Variants in ESR1 observed in about 807,000 individuals in gnomAD.
ESR1 encodes estrogen receptor 1.
Under a neutral mutation model 52.7 loss-of-function variants are expected in ESR1, and 12 were observed. The ratio of observed to expected loss-of-function variants is 0.23; its 90% CI spans 0.15 to 0.37. The LOEUF (loss-of-function observed/expected upper bound fraction) is 0.37, where lower values mean the gene tolerates loss of function less well. Among genes scored for constraint, ESR1 ranks in the 10% least tolerant of loss-of-function variants. ESR1 has a pLI of 1.00. For missense variants in ESR1, 584 were observed against 779.7 expected (o/e 0.75, Z 2.99); for synonymous variants, 305 against 316.8 (o/e 0.96, Z 0.39).
rs1327003212 is a variant in ESR1, at chr6:152,053,953, T to A, written c.1236-7038T>A. On this transcript the variant is annotated intron_variant, in intron 5 of 7. Coordinates refer to ENST00000206249, the MANE Select transcript of ESR1 (RefSeq NM_000125.4). The surrounding 1 kb of genome is among the most constrained non-coding windows in gnomAD (Gnocchi z 4.1). ...GTTTGTTGTAGCTGAAAATTACAAA[T>A]AATATAAATGCCTATAATCAGAGCA... Among the ~76,000 whole-genome samples the A allele has an allele frequency of 1.3e-5, 2 of 152,096 alleles. No individual in the cohort carries two copies. Among genetic ancestry groups the A allele is most frequent in the African/African-American group, 2.4e-5 (1 of 41,416 alleles).
chr6:151,763,390 C>A (rs1394988034), intron 2 of ESR1, among the ~76,000 whole-genome samples: 5 of 152,188 alleles, frequency 3.3e-5, no homozygotes, highest in African/African-American at 1.2e-4. Flanking sequence ...AAGAAATATG[C>A]ATATTGAGCG....
chr6:151,778,699 C>T (rs374021052), intron 2 of ESR1, among the ~76,000 whole-genome samples: 1 of 152,132 alleles, frequency 6.6e-6, no homozygotes, highest in Non-Finnish European at 1.5e-5. Context: ...AGCCACCATA[C>T]CTGCCATATT....
At chr6:152,127,621 C>T (rs1019900804) in exon 7 of ESR1, 9 of 152,268 alleles carry the variant, frequency 5.9e-5, no homozygotes, top group Middle Eastern at 6.8e-3. Context: ...GAAGGCCTAC[C>T]TCAAATAGCA....
Position 152,100,891 on chromosome 6 carries a change from G to A in ESR1, c.*1925G>A, listed in dbSNP as rs2050942739. On this transcript the variant is annotated 3_prime_UTR_variant, in exon 8 of 8. Coordinates refer to ENST00000206249, the MANE Select transcript of ESR1 (RefSeq NM_000125.4). ...TGCTGTTTGTTTAAGAAGCACCTTA[G>A]TTTGTTTAAGAAGCACCTTATATAG... 4.4e-6 allele frequency: 1 copy of A among 228,620 alleles called. No individual in the cohort carries two copies. The highest frequency in any genetic ancestry group is 1.8e-4 in the South Asian group (1 of 5,502). 14.2% of individuals were successfully genotyped at this position (228,620 alleles called of 1,614,324 possible).
At chr6:151,666,576 C>T (rs188227812) in intron 1 of ESR1, among the ~76,000 whole-genome samples, 1 of 152,152 alleles carries the variant, frequency 6.6e-6, no homozygotes, top group African/African-American at 2.4e-5. Flanking sequence ...TCTGTTCCTT[C>T]AAAGTACTGG....
intron 6 of ESR1, chr6:152,122,782 C>T (rs907315699): frequency 6.4e-7 from 1 of 1,556,914 alleles, no homozygotes; most frequent in East Asian, 2.3e-5. Flanking sequence ...GCCAAGCACA[C>T]CCCAGCCTGG....
chr6:151,729,599 A>G (rs539884404), intron 2 of ESR1, among the ~76,000 whole-genome samples: 1 of 152,310 alleles, frequency 6.6e-6, no homozygotes, highest in South Asian at 2.1e-4. Context: ...GAGCCCTGCC[A>G]TGTGCTAGAG....
chr6:151,937,374 G>A (rs7739274), intron 3 of ESR1, among the ~76,000 whole-genome samples: 17,434 of 152,074 alleles, frequency 0.11, 1,962 homozygotes, highest in African/African-American at 0.28. Flanking sequence ...TCCTGCTGAC[G>A]GCTAAGGCAG....
chr6:151,819,001 A>G (rs1393420617), intron 1 of ESR1, among the ~76,000 whole-genome samples: 1 of 152,122 alleles, frequency 6.6e-6, no homozygotes, highest in East Asian at 1.9e-4. Context: ...CCTAACTATT[A>G]CTCCAAGAAG....
At chr6:151,800,160 T>C (rs1367131288), upstream of ESR1, among the ~76,000 whole-genome samples, 1 of 152,088 alleles carries the variant, frequency 6.6e-6, no homozygotes, top group Non-Finnish European at 1.5e-5. Flanking sequence ...ATTTTGAAAT[T>C]TTCAATGTAT....
rs1173268039 is a variant in ESR1, at chr6:152,102,037, G to A, written c.*3071G>A. ...TATAATGCCATCATGCAGCAATTAT[G>A]AGAGGCTAGGTCATCCAAAGAGAAG... On this transcript the variant is annotated 3_prime_UTR_variant, in exon 8 of 8. Coordinates refer to ENST00000206249, the MANE Select transcript of ESR1 (RefSeq NM_000125.4). 3 of 214,322 alleles carry A rather than the reference G, an allele frequency of 1.4e-5. No individual in the cohort carries two copies. The highest frequency in any genetic ancestry group is 1.2e-4 in the Admixed American group (2 of 17,116). The allele number at this position is 214,322 out of a possible 1,614,324, so 13.3% of individuals were successfully genotyped here. A position where few individuals can be genotyped will look rare whatever the true frequency, so the allele number is the denominator to read the frequency against.
chr6:152,030,644 C>G (rs1030653336), intron 5 of ESR1, among the ~76,000 whole-genome samples: 1 of 152,156 alleles, frequency 6.6e-6, no homozygotes, highest in Non-Finnish European at 1.5e-5. Flanking sequence ...AAAGCAAGTC[C>G]TTAGTGACCT....
At chr6:151,774,024 G>C (rs913351803) in intron 2 of ESR1, among the ~76,000 whole-genome samples, 2 of 152,186 alleles carry the variant, frequency 1.3e-5, no homozygotes, top group African/African-American at 2.4e-5. Context: ...GCATGAAATA[G>C]GTGTTCAGTA....
upstream of ESR1, among the ~76,000 whole-genome samples, chr6:151,803,777 G>C (rs1777505337): frequency 6.6e-6 from 1 of 152,140 alleles, no homozygotes; most frequent in African/African-American, 2.4e-5. Context: ...ATTGCCTCTT[G>C]ATTAGGTGTG....
At chr6:151,821,286 T>G (rs1780515635) in intron 1 of ESR1, among the ~76,000 whole-genome samples, 1 of 152,130 alleles carries the variant, frequency 6.6e-6, no homozygotes, top group East Asian at 1.9e-4. Context: ...TACCTAATTC[T>G]GGTCACTACA....
chr6:152,066,251 A>T (rs957105071), intron 6 of ESR1, among the ~76,000 whole-genome samples: 2 of 152,188 alleles, frequency 1.3e-5, no homozygotes, highest in African/African-American at 4.8e-5. Flanking sequence ...CATCACAAAG[A>T]TTATTTTCTT....
intron 4 of ESR1, among the ~76,000 whole-genome samples, chr6:151,965,558 T>C (rs1353870491): frequency 6.6e-6 from 1 of 152,162 alleles, no homozygotes; most frequent in African/African-American, 2.4e-5. Flanking sequence ...CATATACCTT[T>C]CCTTTCACTT....
At chr6:151,789,798 G>A (rs549571193) in intron 2 of ESR1, among the ~76,000 whole-genome samples, 1 of 152,268 alleles carries the variant, frequency 6.6e-6, no homozygotes, top group African/African-American at 2.4e-5. Context: ...CAAGCCCGCT[G>A]CCTGCAGTGT....
At chr6:151,831,002 A>T (rs191248383) in intron 1 of ESR1, among the ~76,000 whole-genome samples, 97 of 152,326 alleles carry the variant, frequency 6.4e-4, no homozygotes, top group African/African-American at 2.3e-3. Context: ...TCATTCTCTT[A>T]TATGACTCTC....
Sources: gnomAD v4.1 joint callset for allele counts (sites outside exome capture counted in the v4.1 genomes callset) on GRCh38, gnomAD v4.1.1 for gene constraint, Gnocchi (gnomAD v3.1) non-coding constraint, MANE v1.5 for transcripts, NCBI Gene and HGNC (gene_info 2026-07-23, HGNC 2026-07-21) for gene names.